COX10: variants seen among roughly 807,000 people sequenced by gnomAD.
COX10 encodes the protein cytochrome c oxidase assembly factor heme A:farnesyltransferase COX10, also known as protoheme IX farnesyltransferase, mitochondrial.
Under a neutral mutation model 37.3 loss-of-function variants are expected in COX10, and 27 were observed. The ratio of observed to expected loss-of-function variants is 0.72; its 90% CI spans 0.53 to 1.00. The LOEUF (loss-of-function observed/expected upper bound fraction) is 1.00, where lower values mean the gene tolerates loss of function less well. Among genes scored for constraint, COX10 ranks in the 50% least tolerant of loss-of-function variants. The pLI, the probability that COX10 is intolerant of heterozygous loss-of-function variation, is 0.00. For missense variants in COX10, 475 were observed against 563.2 expected (o/e 0.84, Z 1.59); for synonymous variants, 222 against 229.1 (o/e 0.97, Z 0.28).
At chr17:14,163,725 T>G (rs1471067283) in intron 5 of COX10, among the ~76,000 whole-genome samples, 3 of 152,196 alleles carry the variant, frequency 2.0e-5, no homozygotes, top group Admixed American at 2.0e-4. Flanking sequence ...AAAATATAGG[T>G]AATGATTGTG....
At chr17:14,070,955 A>G (rs1468188926) in intron 1 of COX10, among the ~76,000 whole-genome samples, 1 of 152,166 alleles carries the variant, frequency 6.6e-6, no homozygotes, top group Admixed American at 6.5e-5. Flanking sequence ...GGGGATAAGT[A>G]ATGGGGGCTC....
intron 5 of COX10, among the ~76,000 whole-genome samples, chr17:14,181,205 G>T (rs1275612129): frequency 6.6e-6 from 1 of 152,210 alleles, no homozygotes; most frequent in Non-Finnish European, 1.5e-5. Flanking sequence ...CAGGGGGCAA[G>T]GGGGTCAATT....
chr17:14,099,913 C>T (rs1915739338), intron 3 of COX10, among the ~76,000 whole-genome samples: 1 of 152,146 alleles, frequency 6.6e-6, no homozygotes, highest in Admixed American at 6.6e-5. Context: ...AATGTCCTTA[C>T]TTCTGTTAAT....
intron 5 of COX10, among the ~76,000 whole-genome samples, chr17:14,165,444 G>A (rs754101068): frequency 1.3e-5 from 2 of 152,046 alleles, no homozygotes; most frequent in African/African-American, 2.4e-5. Context: ...TTGTTTTGGG[G>A]CACCATAAGC....
At chr17:14,076,705 T>G in intron 2 of COX10, 30 bp from the exon 3 acceptor site, 1 of 1,612,330 alleles carries the variant, frequency 6.2e-7, no homozygotes, top group Non-Finnish European at 8.5e-7. Context: ...GGGGCCTTGG[T>G]TTTATAGTAA....
intron 3 of COX10, among the ~76,000 whole-genome samples, chr17:14,085,380 T>C (rs1410427553): frequency 6.6e-6 from 1 of 152,220 alleles, no homozygotes; most frequent in East Asian, 1.9e-4. Context: ...ATCAATACAA[T>C]TAAATCTACC....
At chr17:14,103,620 G>T (rs926241793) in intron 4 of COX10, among the ~76,000 whole-genome samples, 12 of 152,054 alleles carry the variant, frequency 7.9e-5, no homozygotes, top group Non-Finnish European at 1.6e-4. Context: ...AATAAGAGTT[G>T]TTTGAGTTGG....
At chr17:14,070,152 G>A (rs1914983130) in intron 1 of COX10, among the ~76,000 whole-genome samples, 1 of 152,148 alleles carries the variant, frequency 6.6e-6, no homozygotes, top group Admixed American at 6.5e-5. Flanking sequence ...CGCCAGAGTG[G>A]TCTTTAATAT....
At chr17:14,170,193 C>T (rs551045815) in intron 5 of COX10, among the ~76,000 whole-genome samples, 174 of 152,276 alleles carry the variant, frequency 1.1e-3, no homozygotes, top group African/African-American at 4.1e-3. Context: ...TTTATAGCAA[C>T]ACAAAATGGA....
intron 3 of COX10, among the ~76,000 whole-genome samples, chr17:14,086,614 T>C (rs185346661): frequency 1.3e-5 from 2 of 152,304 alleles, no homozygotes; most frequent in Admixed American, 1.3e-4. Flanking sequence ...TTTGGAAGTA[T>C]TTAAAAATTT....
chr17:14,074,541 G>C, intron 2 of COX10, 85 bp downstream of exon 2: 1 of 1,306,530 alleles, frequency 7.7e-7, no homozygotes, highest in South Asian at 1.2e-5. Flanking sequence ...TTTAATTAAA[G>C]TTTTAAGAAA....
At chr17:14,122,238 T>C (rs1166960227) in intron 4 of COX10, among the ~76,000 whole-genome samples, 1 of 152,164 alleles carries the variant, frequency 6.6e-6, no homozygotes. Context: ...TGATTTACTT[T>C]CAGCTATAAC....
chr17:14,196,318 G>A (rs1391543203), intron 6 of COX10, among the ~76,000 whole-genome samples: 1 of 152,210 alleles, frequency 6.6e-6, no homozygotes, highest in African/African-American at 2.4e-5. Context: ...TGATCTAAGA[G>A]CTTTAGCAGG....
intron 4 of COX10, among the ~76,000 whole-genome samples, chr17:14,141,037 C>G (rs1432706233): frequency 1.3e-5 from 2 of 151,748 alleles, no homozygotes; most frequent in African/African-American, 4.9e-5. Flanking sequence ...TGGATATCGT[C>G]TAGGATTTTT....
intron 3 of COX10, among the ~76,000 whole-genome samples, chr17:14,093,464 G>C (rs1915572875): frequency 6.6e-6 from 1 of 152,096 alleles, no homozygotes; most frequent in South Asian, 2.1e-4. Context: ...TGATAAAGTT[G>C]CTTCTTCAAG....
intron 4 of COX10, among the ~76,000 whole-genome samples, chr17:14,140,559 A>C (rs1196993606): frequency 2.6e-5 from 4 of 152,064 alleles, no homozygotes; most frequent in Non-Finnish European, 5.9e-5. Context: ...AAACTCATTA[A>C]ATTTAGAGTT....
intron 5 of COX10, among the ~76,000 whole-genome samples, chr17:14,160,506 A>G (rs8070339): frequency 0.38 from 58,390 of 152,002 alleles, 11,365 homozygotes; most frequent in African/African-American, 0.44. Flanking sequence ...TTTTTTTTTA[A>G]CCTAATATAT....
intron 3 of COX10, among the ~76,000 whole-genome samples, chr17:14,082,162 T>C (rs1020925686): frequency 1.3e-5 from 2 of 152,150 alleles, no homozygotes; most frequent in African/African-American, 2.4e-5. Context: ...CTTTGGGGTA[T>C]ATCACCTTTT....
chr17:14,088,730 A>G (rs2142191061), intron 3 of COX10, among the ~76,000 whole-genome samples: 1 of 152,320 alleles, frequency 6.6e-6, no homozygotes, highest in East Asian at 1.9e-4. Flanking sequence ...TTATAATTTC[A>G]TGTGTCAAGG....
Sources: gnomAD v4.1 joint callset for allele counts (sites outside exome capture counted in the v4.1 genomes callset) on GRCh38, gnomAD v4.1.1 for gene constraint, MANE v1.5 for transcripts, NCBI Gene and HGNC (gene_info 2026-07-23, HGNC 2026-07-21) for gene names.